The following CLVS1 variants were observed in gnomAD, a reference collection of about 807,000 sequenced individuals.
The protein encoded by CLVS1 is clavesin 1.
In CLVS1, 10 loss-of-function variants were observed where a neutral mutation model predicts 33.1. That is an observed-to-expected ratio of 0.30 (90% CI 0.19 to 0.51). CLVS1 has a LOEUF of 0.51. Among genes scored for constraint, CLVS1 ranks in the 20% least tolerant of loss-of-function variants. CLVS1 has a pLI of 0.97. For missense variants in CLVS1, 343 were observed against 433.4 expected (o/e 0.79, Z 1.85); for synonymous variants, 163 against 166.1 (o/e 0.98, Z 0.14).
chr8:61,097,453 C>G (rs958107515), intron 1 of CLVS1, among the ~76,000 whole-genome samples: 1 of 152,162 alleles, frequency 6.6e-6, no homozygotes, highest in Admixed American at 6.5e-5. Context: ...CAGAAACTAG[C>G]AAAGACAGCA....
intron 2 of CLVS1, among the ~76,000 whole-genome samples, chr8:61,226,985 T>G (rs894923071): frequency 9.4e-5 from 14 of 148,416 alleles, no homozygotes; most frequent in African/African-American, 2.4e-4. Context: ...AACATGTTTT[T>G]TTTTTTTTTT....
intron 2 of CLVS1, among the ~76,000 whole-genome samples, chr8:61,367,153 C>T (rs998067441): frequency 2.0e-5 from 3 of 152,074 alleles, no homozygotes; most frequent in Admixed American, 6.5e-5. Context: ...TGGAGCTGCT[C>T]GACTCCAGTC....
chr8:61,392,287 G>T (rs973168364), intron 3 of CLVS1, among the ~76,000 whole-genome samples: 1 of 151,790 alleles, frequency 6.6e-6, no homozygotes, highest in Non-Finnish European at 1.5e-5. Flanking sequence ...AGCTATGATT[G>T]CACCACTGCA....
At chr8:61,429,109 C>G (rs977120116) in intron 3 of CLVS1, among the ~76,000 whole-genome samples, 6 of 152,030 alleles carry the variant, frequency 3.9e-5, no homozygotes, top group African/African-American at 1.5e-4. Context: ...ATGTGTCATT[C>G]CATGGTGGAA....
intron 1 of CLVS1, among the ~76,000 whole-genome samples, chr8:61,296,844 C>G (rs1383890062): frequency 6.6e-6 from 1 of 152,154 alleles, no homozygotes; most frequent in East Asian, 1.9e-4. Flanking sequence ...GGAGCTGACT[C>G]TTTTGGCCAC....
At chr8:61,492,181 G>A (rs1401723108) in intron 5 of CLVS1, among the ~76,000 whole-genome samples, 2 of 152,176 alleles carry the variant, frequency 1.3e-5, no homozygotes, top group Non-Finnish European at 2.9e-5. Flanking sequence ...ATGGAAAAAC[G>A]TGAGTCACAT....
At chr8:61,256,536 A>AAAAC (rs1809086087) in intron 2 of CLVS1, among the ~76,000 whole-genome samples, 1 of 152,208 alleles carries the variant, frequency 6.6e-6, no homozygotes, top group African/African-American at 2.4e-5. Context: ...AAAACAAAAC[A>AAAAC]AAACAAAAGA....
chr8:61,184,039 T>C (rs1301375699), intron 2 of CLVS1, among the ~76,000 whole-genome samples: 1 of 152,078 alleles, frequency 6.6e-6, no homozygotes, highest in Non-Finnish European at 1.5e-5. Context: ...GGTGGGGAGA[T>C]TGAACTGGAA....
At chr8:61,187,794 T>G (rs1807373710) in intron 2 of CLVS1, among the ~76,000 whole-genome samples, 1 of 149,800 alleles carries the variant, frequency 6.7e-6, no homozygotes, top group South Asian at 2.1e-4. Context: ...ATGTATAAAA[T>G]CTTATACATA....
At chr8:61,287,018 A>G (rs2129593488), upstream of CLVS1, among the ~76,000 whole-genome samples, 1 of 152,330 alleles carries the variant, frequency 6.6e-6, no homozygotes, top group South Asian at 2.1e-4. Context: ...ATGATCGTAA[A>G]TGAAATTTAT....
chr8:61,137,433 T>C (rs1806210904), intron 2 of CLVS1, among the ~76,000 whole-genome samples: 1 of 152,222 alleles, frequency 6.6e-6, no homozygotes, highest in African/African-American at 2.4e-5. Context: ...TGTTTTTCCA[T>C]TTAGAAAATG....
chr8:61,177,547 G>T (rs1205953132), intron 2 of CLVS1, among the ~76,000 whole-genome samples: 1 of 152,114 alleles, frequency 6.6e-6, no homozygotes, highest in Non-Finnish European at 1.5e-5. Flanking sequence ...CTCCAACAGG[G>T]GTTGTCAGAC....
intron 1 of CLVS1, among the ~76,000 whole-genome samples, chr8:61,119,130 C>T (rs999961739): frequency 6.6e-6 from 1 of 152,148 alleles, no homozygotes; most frequent in South Asian, 2.1e-4. Context: ...TATGTAATGG[C>T]CTTCTTTGTC....
intron 1 of CLVS1, among the ~76,000 whole-genome samples, chr8:61,123,210 G>A (rs1424701051): frequency 3.5e-5 from 5 of 142,828 alleles, no homozygotes; most frequent in South Asian, 2.3e-4. Context: ...CGGAGGTTGC[G>A]CTGAGCCGAG....
intron 2 of CLVS1, among the ~76,000 whole-genome samples, chr8:61,350,808 G>A (rs1812424904): frequency 1.3e-5 from 2 of 152,088 alleles, no homozygotes; most frequent in Non-Finnish European, 2.9e-5. Flanking sequence ...AGAGAGCTCA[G>A]GGGCATCTAG....
chr8:61,259,679 T>G (rs1481860871), intron 2 of CLVS1, among the ~76,000 whole-genome samples: 1 of 152,238 alleles, frequency 6.6e-6, no homozygotes, highest in Non-Finnish European at 1.5e-5. Context: ...TGCAGCAGCA[T>G]CTATGCATTC....
chr8:61,409,560 ATATT>A (rs1815136723), intron 3 of CLVS1, among the ~76,000 whole-genome samples: 1 of 152,212 alleles, frequency 6.6e-6, no homozygotes, highest in Admixed American at 6.5e-5. Flanking sequence ...TTATAAATGG[ATATT>A]TAGTCTAATT....
At chr8:61,265,728 C>A (rs1453519038) in intron 2 of CLVS1, among the ~76,000 whole-genome samples, 1 of 152,150 alleles carries the variant, frequency 6.6e-6, no homozygotes, top group Non-Finnish European at 1.5e-5. Flanking sequence ...CTCCACTTAC[C>A]CTCTGTTACT....
chr8:61,023,545 T>C, the CLVS1 span, among the ~76,000 whole-genome samples: 1 of 152,280 alleles, frequency 6.6e-6, no homozygotes, highest in Non-Finnish European at 1.5e-5. Flanking sequence ...TAAAAATTCA[T>C]CTCTATGGTG....
Sources: gnomAD v4.1 joint callset for allele counts (sites outside exome capture counted in the v4.1 genomes callset) on GRCh38, gnomAD v4.1.1 for gene constraint, MANE v1.5 for transcripts, NCBI Gene and HGNC (gene_info 2026-07-23, HGNC 2026-07-21) for gene names.